NR3C2: variants seen among roughly 807,000 people sequenced by gnomAD.
NR3C2 encodes mineralocorticoid receptor.
A neutral mutation model predicts 86.4 loss-of-function variants in NR3C2; 15 were observed. The ratio of observed to expected loss-of-function variants is 0.17; its 90% CI spans 0.12 to 0.27. NR3C2 has a LOEUF of 0.27. Among genes scored for constraint, NR3C2 ranks in the 10% least tolerant of loss-of-function variants. NR3C2 has a pLI of 1.00. For synonymous variants in NR3C2, 458 were observed against 450.5 expected (o/e 1.02, Z -0.21); for missense variants, 960 against 1,195.6 (o/e 0.80, Z 2.91).
intron 4 of NR3C2, among the ~76,000 whole-genome samples, chr4:148,190,394 G>A (rs192466271): frequency 4.6e-5 from 7 of 152,300 alleles, no homozygotes; most frequent in African/African-American, 1.7e-4. Context: ...TGGTCTGAGA[G>A]AGTGCTTGAT....
At chr4:148,423,041 T>C (rs1749356992) in intron 2 of NR3C2, among the ~76,000 whole-genome samples, 2 of 152,166 alleles carry the variant, frequency 1.3e-5, no homozygotes, top group Admixed American at 6.5e-5. Context: ...ATAACCTGTA[T>C]TCAATGATTT....
intron 2 of NR3C2, among the ~76,000 whole-genome samples, chr4:148,288,866 C>T (rs1227348592): frequency 6.6e-6 from 1 of 152,072 alleles, no homozygotes; most frequent in East Asian, 1.9e-4. Flanking sequence ...TTCCAGGCTT[C>T]CAGTGCAAGT....
chr4:148,287,799 C>G (rs1741598540), intron 2 of NR3C2, among the ~76,000 whole-genome samples: 1 of 152,156 alleles, frequency 6.6e-6, no homozygotes, highest in Admixed American at 6.5e-5. Flanking sequence ...TTACATAACT[C>G]TAAAAAATAT....
chr4:148,313,830 T>A (rs527593982), intron 2 of NR3C2, among the ~76,000 whole-genome samples: 1 of 152,330 alleles, frequency 6.6e-6, no homozygotes, highest in East Asian at 1.9e-4. Flanking sequence ...TCTTGCTAAG[T>A]TCAACAGTAT....
chr4:148,205,021 G>A (rs912114544), intron 3 of NR3C2, among the ~76,000 whole-genome samples: 1 of 152,234 alleles, frequency 6.6e-6, no homozygotes, highest in Non-Finnish European at 1.5e-5. Flanking sequence ...CCAGGATAGA[G>A]AGAAGGGACT....
At chr4:148,327,891 T>C (rs1244956047) in intron 2 of NR3C2, among the ~76,000 whole-genome samples, 1 of 152,182 alleles carries the variant, frequency 6.6e-6, no homozygotes, top group South Asian at 2.1e-4. Flanking sequence ...CCAGACAGCA[T>C]CATGTGCACC....
intron 8 of NR3C2, among the ~76,000 whole-genome samples, chr4:148,111,715 G>A (rs1732052718): frequency 6.6e-6 from 1 of 152,194 alleles, no homozygotes; most frequent in South Asian, 2.1e-4. Context: ...TATGCTAAGT[G>A]AAGGAAGCCA....
At chr4:148,327,435 A>G (rs1345270527) in intron 2 of NR3C2, among the ~76,000 whole-genome samples, 1 of 152,184 alleles carries the variant, frequency 6.6e-6, no homozygotes, top group Non-Finnish European at 1.5e-5. Flanking sequence ...CTAAAAACAA[A>G]AACAAAAAGA....
In NR3C2 at chr4:148,260,056, C is replaced by A; in HGVS notation, c.1819G>T (p.Gly607Trp). Residue 607 changes from glycine to tryptophan, a missense_variant, in exon 3 of 9, where the codon GGG (glycine) becomes TGG (tryptophan). Physicochemically the swap from Gly to Trp is radical, Grantham distance 184. Coordinates refer to ENST00000358102, the MANE Select transcript of NR3C2 (RefSeq NM_000901.5). ...SRPSKICLVC[G>W]DEASGCHYGV... ...TAATGGCATCCTGAAGCCTCATCCC[C>A]ACACACCAAACATATTTTTGAAGGT... 1 of 1,614,116 alleles carries A rather than the reference C, an allele frequency of 6.2e-7. No homozygotes were observed. Among genetic ancestry groups the A allele is most frequent in the Non-Finnish European group, 8.5e-7 (1 of 1,180,014 alleles).
At chr4:148,222,102 T>A (rs190253237) in intron 3 of NR3C2, among the ~76,000 whole-genome samples, 1 of 152,248 alleles carries the variant, frequency 6.6e-6, no homozygotes, top group East Asian at 1.9e-4. Context: ...ATGACTGTTA[T>A]TGACACCAAA....
intron 2 of NR3C2, among the ~76,000 whole-genome samples, chr4:148,321,974 T>C (rs1013352199): frequency 2.6e-5 from 4 of 152,198 alleles, no homozygotes; most frequent in African/African-American, 4.8e-5. Flanking sequence ...TTCCTAGTCT[T>C]GATGGTCTTT....
At chr4:148,302,249 A>G (rs1398065092) in intron 2 of NR3C2, among the ~76,000 whole-genome samples, 1 of 152,216 alleles carries the variant, frequency 6.6e-6, no homozygotes, top group Non-Finnish European at 1.5e-5. Flanking sequence ...GTTCATGAAT[A>G]TCAAGCAAAA....
At chr4:148,287,760 C>A (rs1385651491) in intron 2 of NR3C2, among the ~76,000 whole-genome samples, 1 of 151,976 alleles carries the variant, frequency 6.6e-6, no homozygotes, top group Non-Finnish European at 1.5e-5. Context: ...TATATAGTAA[C>A]TCCTGGACAA....
intron 3 of NR3C2, among the ~76,000 whole-genome samples, chr4:148,221,138 T>C (rs994487216): frequency 1.3e-5 from 2 of 152,272 alleles, no homozygotes; most frequent in Admixed American, 1.3e-4. Context: ...TGTTTCCTTA[T>C]ATCTCCCTCA....
At chr4:148,338,071 T>A (rs537980717) in intron 2 of NR3C2, among the ~76,000 whole-genome samples, 1 of 152,326 alleles carries the variant, frequency 6.6e-6, no homozygotes, top group South Asian at 2.1e-4. Context: ...TAATGTACTA[T>A]GTGGATTAAT....
chr4:148,086,477 G>A (rs2149706195), intron 8 of NR3C2, among the ~76,000 whole-genome samples: 1 of 152,340 alleles, frequency 6.6e-6, no homozygotes, highest in South Asian at 2.1e-4. Context: ...GCTCACGCCT[G>A]TTATCCCAGC....
chr4:148,128,045 G>T (rs1732832697), intron 6 of NR3C2, among the ~76,000 whole-genome samples: 1 of 152,196 alleles, frequency 6.6e-6, no homozygotes, highest in African/African-American at 2.4e-5. Context: ...GGTTAGAAAT[G>T]GGGTTTAATT....
At chr4:148,098,130 C>T (rs1479371192) in intron 8 of NR3C2, among the ~76,000 whole-genome samples, 2 of 152,208 alleles carry the variant, frequency 1.3e-5, no homozygotes, top group Non-Finnish European at 2.9e-5. Context: ...CTCTCTGCTG[C>T]AATCCAGTGT....
intron 2 of NR3C2, among the ~76,000 whole-genome samples, chr4:148,383,842 G>A (rs1747123557): frequency 6.6e-6 from 1 of 151,906 alleles, no homozygotes; most frequent in Non-Finnish European, 1.5e-5. Flanking sequence ...CTGCTACTCT[G>A]GAGGCTGAGG....
Sources: allele counts gnomAD v4.1 joint callset (sites outside exome capture counted in the v4.1 genomes callset), GRCh38; gene constraint gnomAD v4.1.1; transcripts MANE v1.5; gene names NCBI Gene and HGNC (gene_info 2026-07-23, HGNC 2026-07-21).